The following MDFIC2 variants were observed in gnomAD, a reference collection of about 807,000 sequenced individuals.
MDFIC2 encodes myoD family inhibitor domain-containing protein 2.
intron 2 of MDFIC2, among the ~76,000 whole-genome samples, chr3:70,252,157 G>A (rs988813543): frequency 7.2e-5 from 11 of 152,194 alleles, no homozygotes; most frequent in Admixed American, 4.6e-4. Flanking sequence ...TATGAGTCAT[G>A]TGTAATTGAC....
rs1428113715 is a variant in MDFIC2, at chr3:70,298,964, G to A, written c.88+12922C>T. ...CTGCACATATATTTTATGCAACTAA[G>A]CTGAGGCATTGATGTGCAATAGATT... is the stretch of plus-strand genomic sequence containing the variant. On this transcript the variant is annotated intron_variant, in intron 2 of 3. Coordinates refer to ENST00000567252, the MANE Select transcript of MDFIC2 (RefSeq NM_001364677.1). Among the ~76,000 whole-genome samples the A allele has an allele frequency of 2.0e-5, 3 of 152,130 alleles. No homozygotes were observed. In the East Asian group the frequency reaches 5.8e-4, roughly 29 times the overall value.
intron 2 of MDFIC2, among the ~76,000 whole-genome samples, chr3:70,256,035 C>T (rs1447412504): frequency 6.6e-6 from 1 of 152,090 alleles, no homozygotes. Flanking sequence ...ATAGTACCAC[C>T]CCAAATTATT....
At chr3:70,298,373 T>C (rs1354218366) in intron 2 of MDFIC2, among the ~76,000 whole-genome samples, 3 of 152,116 alleles carry the variant, frequency 2.0e-5, no homozygotes, top group African/African-American at 7.2e-5. Flanking sequence ...ATGTTTTTGT[T>C]TAGTTAGCCA....
intron 2 of MDFIC2, among the ~76,000 whole-genome samples, chr3:70,299,136 CA>C (rs1444263303): frequency 1.3e-5 from 2 of 152,020 alleles, no homozygotes; most frequent in African/African-American, 4.8e-5. Context: ...CCTGAATATC[CA>C]AACATAGGTA....
At chr3:70,228,754 T>TA (rs773876168) in intron 2 of MDFIC2, among the ~76,000 whole-genome samples, 3 of 151,900 alleles carry the variant, frequency 2.0e-5, no homozygotes, top group Non-Finnish European at 4.4e-5. Flanking sequence ...TTTTTTTTTT[T>TA]ACTAACAACA....
intron 2 of MDFIC2, among the ~76,000 whole-genome samples, chr3:70,287,416 T>C (rs1321806032): frequency 6.6e-6 from 1 of 151,628 alleles, no homozygotes; most frequent in African/African-American, 2.4e-5. Context: ...GCCCACTTGA[T>C]CATGGTGGAT....
Position 70,218,043 on chromosome 3 carries a change from A to G in MDFIC2, c.89-11253T>C, listed in dbSNP as rs187104119. Among the ~76,000 whole-genome samples the G allele has an allele frequency of 6.6e-5, 10 of 152,196 alleles. No homozygotes were observed. The East Asian group carries it at 1.9e-3, about 30-fold the overall frequency. On this transcript the variant is annotated intron_variant, in intron 2 of 3. Transcript: ENST00000567252. ...GGAGCAAATCATATGCTTATTTTTA[A>G]ACTCCTTTTGCCCACTCTGTGTGCC...
intron 2 of MDFIC2, among the ~76,000 whole-genome samples, chr3:70,302,233 C>T (rs1702356032): frequency 6.6e-6 from 1 of 152,094 alleles, no homozygotes; most frequent in African/African-American, 2.4e-5. Flanking sequence ...TCTTCATTTG[C>T]TCTGTTCACA....
In MDFIC2 at chr3:70,256,229, T is replaced by C. The variant is rs182788577; in HGVS notation, c.89-49439A>G. Among the ~76,000 whole-genome samples, 27 of 152,342 alleles carry C rather than the reference T, an allele frequency of 1.8e-4. No individual in the cohort carries two copies. In the East Asian group the frequency reaches 4.8e-3, roughly 27 times the overall value. On this transcript the variant is annotated intron_variant, in intron 2 of 3. Coordinates refer to ENST00000567252, the MANE Select transcript of MDFIC2 (RefSeq NM_001364677.1). ...TTAGTTGTAAAGTTTTTGTTTCTAATAAAAATGAAGCCACTTTCTGGGAAT... is the reference window on the plus strand; with the variant it reads ...TTAGTTGTAAAGTTTTTGTTTCTAACAAAAATGAAGCCACTTTCTGGGAAT...
At chr3:70,278,228 C>G (rs1242586999) in intron 2 of MDFIC2, among the ~76,000 whole-genome samples, 1 of 152,116 alleles carries the variant, frequency 6.6e-6, no homozygotes, top group Non-Finnish European at 1.5e-5. Context: ...AACGTTTTGT[C>G]TGAAAGATTC....
At chr3:70,211,513 C>T (rs1701347930) in intron 2 of MDFIC2, among the ~76,000 whole-genome samples, 1 of 48,914 alleles carries the variant, frequency 2.0e-5, no homozygotes, top group Non-Finnish European at 4.1e-5. Context: ...CTTTGCCCTT[C>T]CCTTCCCTTC....
intron 3 of MDFIC2, chr3:70,204,649 TTTTC>T (rs1576154149): frequency 1.4e-5 from 2 of 147,784 alleles, no homozygotes; most frequent in African/African-American, 2.5e-5. Context: ...TAGTCAGCTA[TTTTC>T]TTTCTTTTTT....
rs748192994 is a variant in MDFIC2, at chr3:70,235,027, G to T, written c.89-28237C>A. Among the ~76,000 whole-genome samples the T allele has an allele frequency of 5.9e-5, 9 of 152,236 alleles. No homozygotes were observed. The East Asian group carries it at 1.7e-3, about 29-fold the overall frequency. ...TGTGTAGCCAGGCTTGAGAACCTCT[G>T]CCCCAAAGAGATTTTATCAGTACGG... On this transcript the variant is annotated intron_variant, in intron 2 of 3. Transcript: ENST00000567252.
At chr3:70,266,223 A>C (rs1701915957) in intron 2 of MDFIC2, among the ~76,000 whole-genome samples, 1 of 152,042 alleles carries the variant, frequency 6.6e-6, no homozygotes, top group South Asian at 2.1e-4. Flanking sequence ...ACTTATTTTC[A>C]GCTTTGTATT....
At chr3:70,282,032 G>T (rs545236896) in intron 2 of MDFIC2, among the ~76,000 whole-genome samples, 1 of 152,222 alleles carries the variant, frequency 6.6e-6, no homozygotes, top group Admixed American at 6.5e-5. Context: ...GTGCAGTCTA[G>T]GTCCCTTTGC....
intron 2 of MDFIC2, among the ~76,000 whole-genome samples, chr3:70,220,935 GTGAA>G (rs1410810247): frequency 6.6e-6 from 1 of 152,164 alleles, no homozygotes; most frequent in Non-Finnish European, 1.5e-5. Flanking sequence ...GGCGTAAAGG[GTGAA>G]TGAATGTAGT....
chr3:70,241,746 C>T (rs555982233), intron 2 of MDFIC2, among the ~76,000 whole-genome samples: 1 of 152,248 alleles, frequency 6.6e-6, no homozygotes, highest in African/African-American at 2.4e-5. Flanking sequence ...ATGTCTCACA[C>T]ACATGAGTCC....
At chr3:70,294,975 A>T (rs926439328) in intron 2 of MDFIC2, among the ~76,000 whole-genome samples, 1 of 152,046 alleles carries the variant, frequency 6.6e-6, no homozygotes, top group African/African-American at 2.4e-5. Flanking sequence ...AACCCCAAAA[A>T]CCTTTACTAG....
At chr3:70,225,603 A>G (rs1176314763) in intron 2 of MDFIC2, among the ~76,000 whole-genome samples, 1 of 147,104 alleles carries the variant, frequency 6.8e-6, no homozygotes, top group Non-Finnish European at 1.5e-5. Context: ...AAAAGTGAAG[A>G]TGCTAGAAGC....
Sources: allele counts gnomAD v4.1 joint callset (sites outside exome capture counted in the v4.1 genomes callset), GRCh38; gene constraint gnomAD v4.1.1; transcripts MANE v1.5; gene names NCBI Gene and HGNC (gene_info 2026-07-23, HGNC 2026-07-21).